KDM5B: variants seen among roughly 807,000 people sequenced by gnomAD.
KDM5B encodes lysine demethylase 5B, also known as lysine-specific demethylase 5B.
Under a neutral mutation model 193.4 loss-of-function variants are expected in KDM5B, and 144 were observed. That is an observed-to-expected ratio of 0.74 (90% CI 0.65 to 0.86). The LOEUF (loss-of-function observed/expected upper bound fraction) is 0.86, where lower values mean the gene tolerates loss of function less well. Ranked by LOEUF, KDM5B falls within the 40% of genes least tolerant of loss-of-function variation. The pLI is 0.00. For synonymous variants in KDM5B, 668 were observed against 682.6 expected (o/e 0.98, Z 0.33); for missense variants, 1,833 against 1,886.9 (o/e 0.97, Z 0.53).
At chr1:202,762,048 AG>A (rs1656270039) in intron 7 of KDM5B, among the ~76,000 whole-genome samples, 1 of 152,212 alleles carries the variant, frequency 6.6e-6, no homozygotes, top group Non-Finnish European at 1.5e-5. Flanking sequence ...GCACCGTTTC[AG>A]GCTCTCAGAA....
At chr1:202,738,098 T>C (rs1655164066) in intron 20 of KDM5B, among the ~76,000 whole-genome samples, 1 of 152,244 alleles carries the variant, frequency 6.6e-6, no homozygotes, top group Non-Finnish European at 1.5e-5. Flanking sequence ...TAGTTCCTTG[T>C]TGTTAGTCAT....
In KDM5B at chr1:202,728,765, G is replaced by A. The variant is rs1339517472; in HGVS notation, c.*271C>T. On this transcript the variant is annotated 3_prime_UTR_variant, in exon 27 of 27. Coordinates refer to ENST00000367265, the MANE Select transcript of KDM5B (RefSeq NM_006618.5). ...AAGCTTCAATGCCTTCCAAATTGGT[G>A]GGAACCCCTGCAAAAAAAACAGTCA... is the stretch of plus-strand genomic sequence containing the variant. The A allele has an allele frequency of 1.4e-5, 5 of 347,108 alleles. No homozygotes were observed. In the East Asian group the frequency reaches 1.7e-4, roughly 12 times the overall value. The allele number at this position is 347,108 out of a possible 1,614,324, so 21.5% of individuals were successfully genotyped here.
At chr1:202,752,140 C>T (rs185570676) in intron 12 of KDM5B, among the ~76,000 whole-genome samples, 68 of 152,308 alleles carry the variant, frequency 4.5e-4, no homozygotes, top group Non-Finnish European at 2.1e-4. Flanking sequence ...TCATACATTT[C>T]AATATGGCTT....
At chr1:202,769,193 C>T (rs924566878) in intron 4 of KDM5B, among the ~76,000 whole-genome samples, 1 of 150,982 alleles carries the variant, frequency 6.6e-6, no homozygotes, top group Non-Finnish European at 1.5e-5. Context: ...CCTGCCACCA[C>T]ACCCAGCTAT....
chr1:202,752,883 G>A (rs1206248359), intron 12 of KDM5B, 22 bp downstream of exon 12: 1 of 1,591,114 alleles, frequency 6.3e-7, no homozygotes, highest in Non-Finnish European at 8.6e-7. Flanking sequence ...TTGAGTGGCA[G>A]GAGGATTAAC....
At chr1:202,779,052 T>C (rs1657083544) in intron 1 of KDM5B, among the ~76,000 whole-genome samples, 1 of 152,172 alleles carries the variant, frequency 6.6e-6, no homozygotes, top group African/African-American at 2.4e-5. Context: ...ACAATAGTGG[T>C]TGTCCTTACT....
chr1:202,752,707 C>A (rs530275744), intron 12 of KDM5B, among the ~76,000 whole-genome samples, 198 bp downstream of exon 12: 1 of 152,284 alleles, frequency 6.6e-6, no homozygotes, highest in Admixed American at 6.5e-5. Context: ...TCAGCTGCAA[C>A]AAATTAGTTT....
chr1:202,759,155 T>C (rs1289116667), intron 8 of KDM5B, among the ~76,000 whole-genome samples: 1 of 152,222 alleles, frequency 6.6e-6, no homozygotes, highest in East Asian at 1.9e-4. Flanking sequence ...CAAACCTTTA[T>C]AGCCATGCTA....
intron 18 of KDM5B, 96 bp from the exon 19 acceptor site, chr1:202,741,818 C>T (rs1655355000): frequency 1.4e-6 from 1 of 692,668 alleles, no homozygotes; most frequent in South Asian, 1.9e-5. Context: ...CAATGAGATC[C>T]CATTTAATTT....
chr1:202,754,613 G>C (rs4245700), intron 11 of KDM5B, among the ~76,000 whole-genome samples: 102,384 of 152,202 alleles, frequency 0.67, 37,074 homozygotes, highest in Admixed American at 0.82. Context: ...ATCCAGGCTA[G>C]CACTGCCACC....
At chr1:202,789,802 C>A (rs913754928) in intron 1 of KDM5B, among the ~76,000 whole-genome samples, 2 of 151,832 alleles carry the variant, frequency 1.3e-5, no homozygotes, top group Non-Finnish European at 2.9e-5. Flanking sequence ...CAGTGAGATA[C>A]CATCTCTACA....
chr1:202,748,066 A>C lies in KDM5B; in HGVS notation c.2016+879T>G, dbSNP rs1355136469. On this transcript the variant is annotated intron_variant, in intron 14 of 26. Transcript: ENST00000367265. The stretch of plus-strand genomic sequence containing the variant: ...AGTATTAGCAATAGAATAGATGCAT[A>C]GATCACCAGAACACAAGAGTCCAGA... Among the ~76,000 whole-genome samples the C allele has an allele frequency of 2.0e-5, 3 of 152,214 alleles. 1 individual carries two copies. Among genetic ancestry groups the C allele is most frequent in the African/African-American group, 7.2e-5 (3 of 41,468 alleles).
chr1:202,730,809 C>T (rs1654855754), intron 25 of KDM5B, 100 bp downstream of exon 25: 2 of 1,196,560 alleles, frequency 1.7e-6, no homozygotes, highest in Non-Finnish European at 2.3e-6. Context: ...TCTAATCGCC[C>T]AGTCCTCACA....
chr1:202,733,381 C>G lies in KDM5B; in HGVS notation c.3909+20G>C. 1 of 1,603,936 alleles carries G rather than the reference C, an allele frequency of 6.2e-7. No homozygotes were observed. The highest frequency in any genetic ancestry group is 8.5e-7 in the Non-Finnish European group (1 of 1,173,094). On this transcript the variant is annotated intron_variant, in intron 23 of 26. Coordinates refer to ENST00000367265, the MANE Select transcript of KDM5B (RefSeq NM_006618.5). ...AGCTTTGCAAATTCCAATAACCCAA[C>G]AAGGAAAGTCCAGATTCACCTTGTT...
At chr1:202,763,819 A>G (rs1263001637) in intron 6 of KDM5B, among the ~76,000 whole-genome samples, 5 of 152,186 alleles carry the variant, frequency 3.3e-5, no homozygotes, top group Admixed American at 3.3e-4. Flanking sequence ...TAATATGCAT[A>G]CATATAGTTT....
chr1:202,730,130 C>CG, intron 25 of KDM5B, 103 bp from the exon 26 acceptor site: 1 of 991,232 alleles, frequency 1.0e-6, no homozygotes, highest in Non-Finnish European at 1.4e-6. Flanking sequence ...GATGATCCCC[C>CG]AATCTACACG....
At chr1:202,790,018 T>C (rs746869624) in intron 1 of KDM5B, among the ~76,000 whole-genome samples, 24 of 151,236 alleles carry the variant, frequency 1.6e-4, no homozygotes, top group Non-Finnish European at 2.7e-4. Flanking sequence ...AGGTCTGGAG[T>C]TCGAGACCAG....
chr1:202,747,377 A>T (rs199620888), intron 14 of KDM5B, among the ~76,000 whole-genome samples: 1 of 152,088 alleles, frequency 6.6e-6, no homozygotes, highest in African/African-American at 2.4e-5. Context: ...CATATATGGA[A>T]AAAGTCTCAG....
rs536431811 is a variant in KDM5B, at chr1:202,787,935, A to C, written c.205-10841T>G. 2.6e-4 allele frequency among the ~76,000 whole-genome samples: 40 copies of C among 152,148 alleles called. No homozygotes were observed. The South Asian group carries it at 6.8e-3, about 26-fold the overall frequency. On this transcript the variant is annotated intron_variant, in intron 1 of 26. Coordinates refer to ENST00000367265, the MANE Select transcript of KDM5B (RefSeq NM_006618.5). ...ATGTGAAGTAAATCTGGCCTCTCAC[A>C]GATATTTAGCTGAAAGGGGGGAGTT... is the stretch of plus-strand genomic sequence containing the variant.
Sources: allele counts gnomAD v4.1 joint callset (sites outside exome capture counted in the v4.1 genomes callset), GRCh38; gene constraint gnomAD v4.1.1; transcripts MANE v1.5; gene names NCBI Gene and HGNC (gene_info 2026-07-23, HGNC 2026-07-21).